Variants in RAB28 observed in about 807,000 individuals in gnomAD.
The protein encoded by RAB28 is ras-related protein Rab-28.
Under a neutral mutation model 31.7 loss-of-function variants are expected in RAB28, and 24 were observed. That is an observed-to-expected ratio of 0.76 (90% CI 0.55 to 1.06). The LOEUF (loss-of-function observed/expected upper bound fraction) is 1.06, where lower values mean the gene tolerates loss of function less well. RAB28 is among the 50% of genes least tolerant of loss of function. RAB28 has a pLI of 0.00. For missense variants in RAB28, 254 were observed against 258.5 expected, an observed-to-expected ratio of 0.98 and a Z score of 0.12; for synonymous variants, 100 against 90.4, an observed-to-expected ratio of 1.11 and a Z score of -0.60.
chr4:13,475,626 T>C (rs73817411), intron 2 of RAB28, among the ~76,000 whole-genome samples: 8,542 of 151,666 alleles, frequency 0.056, 547 homozygotes, highest in African/African-American at 0.16. Flanking sequence ...CATCTGCCAC[T>C]GCGCAGAGGA....
chr4:13,371,925 G>A (rs1728729014), intron 6 of RAB28: 2 of 1,448,104 alleles, frequency 1.4e-6, no homozygotes, highest in South Asian at 2.5e-5. Context: ...TTTTCAAAGA[G>A]CATTTGCCAA....
intron 4 of RAB28, among the ~76,000 whole-genome samples, chr4:13,397,376 AC>A (rs1729914966): frequency 1.3e-5 from 2 of 152,268 alleles, no homozygotes; most frequent in Admixed American, 6.5e-5. Flanking sequence ...GGATAAAGGC[AC>A]CTGTTTGGTT....
At chr4:13,422,650 A>G (rs1481923536) in intron 4 of RAB28, among the ~76,000 whole-genome samples, 1 of 152,108 alleles carries the variant, frequency 6.6e-6, no homozygotes, top group Non-Finnish European at 1.5e-5. Context: ...TATCTTAAGG[A>G]CAGAAAACCA....
intron 4 of RAB28, among the ~76,000 whole-genome samples, chr4:13,449,260 A>G (rs558293820): frequency 6.6e-6 from 1 of 152,070 alleles, no homozygotes; most frequent in African/African-American, 2.4e-5. Flanking sequence ...ATAGTTTCAC[A>G]TGTCTATTTT....
chr4:13,378,998 C>CAAATTTAAAT (rs1230004358), intron 5 of RAB28, among the ~76,000 whole-genome samples: 21 of 151,744 alleles, frequency 1.4e-4, no homozygotes, highest in Non-Finnish European at 2.5e-4. Context: ...ATCACGAGGT[C>CAAATTTAAAT]AGTTCAAGAT....
Position 13,474,324 on chromosome 4 carries a change from T to C in RAB28, c.255A>G (p.Gly85=). 1 of 1,575,774 alleles carries C rather than the reference T, an allele frequency of 6.3e-7. No homozygotes were observed. Among genetic ancestry groups the C allele is most frequent in the Non-Finnish European group, 8.7e-7 (1 of 1,148,684 alleles). The change falls in exon 3 of 7, where the codon GGA becomes GGG. Residue 85 remains glycine, a synonymous_variant. Coordinates refer to ENST00000330852, the MANE Select transcript of RAB28 (RefSeq NM_001017979.3). ...GGKMLDKYIY[G]AQGVLLVYDI... ...ATCAGAATTCATATCATACCTGTGC[T>C]CCATAGATATATTTATCCAACATTT...
intron 4 of RAB28, among the ~76,000 whole-genome samples, chr4:13,436,881 CA>C (rs1041864152): frequency 6.6e-6 from 1 of 151,094 alleles, no homozygotes; most frequent in Non-Finnish European, 1.5e-5. Context: ...CGTATGGAAC[CA>C]AAAAAAACAG....
rs191966861 is a variant in RAB28 at position 13,455,938 on chromosome 4, C to T, written c.391+4761G>A. The stretch of plus-strand genomic sequence containing the variant: ...CAAGTGCCAGATGTCTCTATTCACT[C>T]ATCTTGCTAAAGCCATCTTGCTAAA... On this transcript the variant is annotated intron_variant, in intron 4 of 6. Transcript: ENST00000330852. Among the ~76,000 whole-genome samples, 31 of 152,336 alleles carry T rather than the reference C, an allele frequency of 2.0e-4. No individual in the cohort carries two copies. The Middle Eastern group carries it at 0.01, about 50-fold the overall frequency.
chr4:13,379,205 C>CAAAAAAAAAA (rs34341516), intron 5 of RAB28, among the ~76,000 whole-genome samples: 1 of 57,964 alleles, frequency 1.7e-5, no homozygotes, highest in African/African-American at 6.1e-5. Flanking sequence ...AACTCTGTCT[C>CAAAAAAAAAA]AAAAAAAAAA....
At chr4:13,473,147 T>A (rs1355602948) in intron 3 of RAB28, among the ~76,000 whole-genome samples, 1 of 151,988 alleles carries the variant, frequency 6.6e-6, no homozygotes, top group Admixed American at 6.6e-5. Context: ...CTATTTTTCA[T>A]CCAAAATCAA....
At chr4:13,455,325 G>C (rs966103148) in intron 4 of RAB28, among the ~76,000 whole-genome samples, 1 of 152,202 alleles carries the variant, frequency 6.6e-6, no homozygotes, top group Non-Finnish European at 1.5e-5. Context: ...CAGTTTGGCT[G>C]GCTCAAGGGC....
intron 4 of RAB28, among the ~76,000 whole-genome samples, chr4:13,401,378 G>A (rs745955683): frequency 2.8e-4 from 42 of 152,120 alleles, no homozygotes; most frequent in Non-Finnish European, 5.4e-4. Flanking sequence ...GGCCTGTTGC[G>A]GGGAGGGAGC....
intron 4 of RAB28, among the ~76,000 whole-genome samples, chr4:13,388,153 T>C (rs1729460740): frequency 6.6e-6 from 1 of 152,048 alleles, no homozygotes; most frequent in Non-Finnish European, 1.5e-5. Context: ...AATTAAGAGC[T>C]ACATTTTATT....
chr4:13,479,569 G>C (rs752447331), intron 1 of RAB28, 43 bp from the exon 2 acceptor site: 6 of 1,256,464 alleles, frequency 4.8e-6, no homozygotes, highest in Non-Finnish European at 6.9e-6. Flanking sequence ...ATTCATTAAA[G>C]AAATGTAATC....
At chr4:13,382,074 T>C (rs1222152238) in intron 4 of RAB28, among the ~76,000 whole-genome samples, 2 of 152,242 alleles carry the variant, frequency 1.3e-5, no homozygotes, top group African/African-American at 4.8e-5. Context: ...TACATAACTT[T>C]CTGCTTAAGA....
intron 4 of RAB28, among the ~76,000 whole-genome samples, chr4:13,436,699 C>T (rs1269581536): frequency 6.6e-6 from 1 of 152,032 alleles, no homozygotes; most frequent in Non-Finnish European, 1.5e-5. Flanking sequence ...TAAAATAAAT[C>T]ACAGATGACA....
At chr4:13,448,420 T>C (rs748400088) in intron 4 of RAB28, among the ~76,000 whole-genome samples, 2 of 152,038 alleles carry the variant, frequency 1.3e-5, no homozygotes, top group Non-Finnish European at 2.9e-5. Flanking sequence ...AATTGTTATA[T>C]CAAAATGCTT....
At chr4:13,464,739 G>T (rs924784006) in intron 3 of RAB28, among the ~76,000 whole-genome samples, 6 of 152,102 alleles carry the variant, frequency 3.9e-5, no homozygotes, top group Admixed American at 1.3e-4. Flanking sequence ...CTATTTACCT[G>T]AATCTTATTA....
chr4:13,379,535 G>A (rs559126825), intron 5 of RAB28, among the ~76,000 whole-genome samples: 1 of 152,228 alleles, frequency 6.6e-6, no homozygotes, highest in African/African-American at 2.4e-5. Context: ...GAAAAATGAA[G>A]ACATGAAAAG....
Sources: allele counts gnomAD v4.1 joint callset (sites outside exome capture counted in the v4.1 genomes callset), GRCh38; gene constraint gnomAD v4.1.1; transcripts MANE v1.5; gene names NCBI Gene and HGNC (gene_info 2026-07-23, HGNC 2026-07-21).